The following SCAI variants were observed in gnomAD, a reference collection of about 807,000 sequenced individuals.
The protein encoded by SCAI is suppressor of cancer cell invasion, also known as protein SCAI.
In SCAI, 24 loss-of-function variants were observed where a neutral mutation model predicts 92.2. The observed-to-expected ratio is 0.26, with a 90% CI of 0.19 to 0.37. SCAI has a LOEUF of 0.37. SCAI is among the 10% of genes least tolerant of loss of function. The probability of loss-of-function intolerance (pLI) is 1.00; values close to 1 mark genes in which losing one functional copy is unlikely to be tolerated. For missense variants in SCAI, 450 were observed against 736.2 expected (o/e 0.61, Z 4.50); for synonymous variants, 261 against 258.6 (o/e 1.01, Z -0.09).
In SCAI at chr9:125,070,142, G is replaced by A. The variant is rs756415860; in HGVS notation, c.99-14135C>T. Among the ~76,000 whole-genome samples the A allele has an allele frequency of 1.2e-4, 18 of 152,204 alleles. 1 individual carries two copies. The highest frequency in any genetic ancestry group is 4.1e-4 in the South Asian group (2 of 4,828). On this transcript the variant is annotated intron_variant, in intron 2 of 17. Transcript: ENST00000336505. ...TGCAAAATTGTTGCAAATACACTCCGAAACAGCATAAATTGAAAAATACCA... is the reference window on the plus strand; with the variant it reads ...TGCAAAATTGTTGCAAATACACTCCAAAACAGCATAAATTGAAAAATACCA...
intron 2 of SCAI, among the ~76,000 whole-genome samples, chr9:125,135,976 AAAAAAAAAAC>A (rs1835514302): frequency 6.6e-6 from 1 of 151,718 alleles, no homozygotes; most frequent in South Asian, 2.1e-4. Context: ...TCAAACAAAA[AAAAAAAAAAC>A]AAAAAAAAAA....
In SCAI at chr9:124,951,856, C is replaced by T. The variant is rs527891975; in HGVS notation, c.*951G>A. 6.6e-6 allele frequency: 1 copy of T among 152,288 alleles called. No individual in the cohort carries two copies. Among genetic ancestry groups the T allele is most frequent in the African/African-American group, 2.4e-5 (1 of 41,556 alleles). 9.4% of individuals were successfully genotyped at this position (152,288 alleles called of 1,614,324 possible). Reference sequence around the variant, plus strand: ...GTTAATAAATCTTATTTCCAAATTACCAATGCAAAATCAACTTACATTTTA... The same window carrying T: ...GTTAATAAATCTTATTTCCAAATTATCAATGCAAAATCAACTTACATTTTA... On this transcript the variant is annotated 3_prime_UTR_variant, in exon 18 of 18. Transcript: ENST00000336505.
At position 125,042,666 on chromosome 9, in the gene SCAI, C is replaced by CACAT. The variant is rs1157919578; in HGVS notation, c.231-12928_231-12927insATGT. Among the ~76,000 whole-genome samples, 12 of 140,356 alleles carry CACAT rather than the reference C, an allele frequency of 8.5e-5. No individual in the cohort carries two copies. The East Asian group carries it at 2.4e-3, about 28-fold the overall frequency. 92.1% of individuals were successfully genotyped at this position (140,356 alleles called of 152,430 possible). A position where few individuals can be genotyped will look rare whatever the true frequency, so the allele number is the denominator to read the frequency against. On this transcript the variant is annotated intron_variant, in intron 3 of 17. Transcript: ENST00000336505. ...ACACACACACACACACACACACACA[C>CACAT]ATATACAAAAAGAAACATACATACA...
intron 3 of SCAI, among the ~76,000 whole-genome samples, chr9:125,051,884 C>T (rs888162977): frequency 6.6e-6 from 1 of 152,008 alleles, no homozygotes; most frequent in African/African-American, 2.4e-5. Flanking sequence ...GCCTGGCCAA[C>T]ATGGTGAAAT....
rs561287345 is a variant in SCAI at position 124,995,490 on chromosome 9, A to AT, written c.1245-476dup. On this transcript the variant is annotated intron_variant, in intron 13 of 17. Coordinates refer to ENST00000336505, the MANE Select transcript of SCAI (RefSeq NM_001144877.3). ...GTAGGAAAATCTTTTTACTATCACT[A>AT]TTTTTTTTTTTAAAGACACCGTCTT... Among the ~76,000 whole-genome samples the AT allele has an allele frequency of 3.3e-4, 48 of 147,558 alleles. No homozygotes were observed. The South Asian group carries it at 7.3e-3, about 22-fold the overall frequency.
At chr9:125,048,979 A>C (rs527881253) in intron 3 of SCAI, among the ~76,000 whole-genome samples, 2 of 152,202 alleles carry the variant, frequency 1.3e-5, no homozygotes, top group East Asian at 3.9e-4. Flanking sequence ...TCCTGACCTC[A>C]GGTGATCTGC....
intron 2 of SCAI, among the ~76,000 whole-genome samples, chr9:125,094,596 G>A (rs958026637): frequency 6.6e-6 from 1 of 152,200 alleles, no homozygotes; most frequent in Admixed American, 6.5e-5. Context: ...CGACCTCCTG[G>A]GCTCAAGTGA....
rs186848187 is a variant in SCAI, at chr9:124,995,809, C to T, written c.1245-794G>A. On this transcript the variant is annotated intron_variant, in intron 13 of 17. Coordinates refer to ENST00000336505, the MANE Select transcript of SCAI (RefSeq NM_001144877.3). Reference sequence around the variant, plus strand: ...CCCAGCTACTTTTTACCATATGTTTCCTCTAAACATTTGCATCAAGGGCTT... The same window carrying T: ...CCCAGCTACTTTTTACCATATGTTTTCTCTAAACATTTGCATCAAGGGCTT... 1.6e-3 allele frequency among the ~76,000 whole-genome samples: 247 copies of T among 152,158 alleles called. 1 individual carries two copies. The highest frequency in any genetic ancestry group is 5.8e-3 in the African/African-American group (239 of 41,520).
intron 9 of SCAI, among the ~76,000 whole-genome samples, chr9:125,010,160 T>C (rs536640089): frequency 6.6e-4 from 100 of 152,276 alleles, no homozygotes; most frequent in African/African-American, 2.3e-3. Flanking sequence ...TTCATCTCAC[T>C]AGGGAGCACG....
chr9:124,959,067 T>TA (rs1346686660), intron 17 of SCAI, among the ~76,000 whole-genome samples: 3 of 151,928 alleles, frequency 2.0e-5, no homozygotes, highest in Non-Finnish European at 4.4e-5. Context: ...TGATGAAATT[T>TA]TATTTTTTAA....
intron 2 of SCAI, among the ~76,000 whole-genome samples, chr9:125,116,176 C>T (rs539399734): frequency 1.3e-3 from 193 of 151,974 alleles, no homozygotes; most frequent in Non-Finnish European, 2.4e-3. Context: ...CAGAGAGAGA[C>T]TCCATCTCAA....
chr9:125,037,773 G>A (rs545556648), intron 3 of SCAI, among the ~76,000 whole-genome samples: 2 of 151,916 alleles, frequency 1.3e-5, no homozygotes, highest in Non-Finnish European at 2.9e-5. Context: ...AATATTAGCT[G>A]GGTCTGGTGG....
At position 124,999,899 on chromosome 9, in the gene SCAI, T is replaced by A; in HGVS notation, c.1236A>T (p.Glu412Asp). The change falls in exon 13 of 18, where the codon GAA becomes GAT. Residue 412 changes from glutamate to aspartate, a missense_variant. By Grantham distance (45) the Glu-to-Asp change is conservative. This residue lies in a region of SCAI where 360 missense variants were observed against 601.8 expected (regional missense o/e 0.60). Transcript: ENST00000336505. ...AIHKRNQSHK[E>D]MHCLHPGDLY... is the part of the protein sequence containing the mutation. ...GACACCAGAATACATACCAGTGCAT[T>A]TCCTTGTGGGACTGATTTCGTTTGT... is the stretch of plus-strand genomic sequence containing the variant. 1.3e-6 allele frequency: 2 copies of A among 1,543,396 alleles called. No homozygotes were observed. The highest frequency in any genetic ancestry group is 1.8e-6 in the Non-Finnish European group (2 of 1,122,554).
At chr9:125,030,677 A>T (rs1481126123) in intron 3 of SCAI, among the ~76,000 whole-genome samples, 1 of 152,234 alleles carries the variant, frequency 6.6e-6, no homozygotes, top group Non-Finnish European at 1.5e-5. Flanking sequence ...TGACCTATAT[A>T]ATGCAATGGT....
At chr9:124,964,988 G>A (rs1831509751) in intron 17 of SCAI, among the ~76,000 whole-genome samples, 3 of 143,710 alleles carry the variant, frequency 2.1e-5, no homozygotes, top group African/African-American at 2.5e-5. Flanking sequence ...ACTAATAAAT[G>A]TCTTTTGTGG....
intron 2 of SCAI, among the ~76,000 whole-genome samples, chr9:125,059,457 T>C (rs369888605): frequency 3.9e-4 from 59 of 152,254 alleles, no homozygotes; most frequent in Middle Eastern, 3.4e-3. Flanking sequence ...ATAAGAAAAA[T>C]GTTCAACCAC....
At chr9:125,075,933 A>G (rs189893894) in intron 2 of SCAI, among the ~76,000 whole-genome samples, 1 of 152,122 alleles carries the variant, frequency 6.6e-6, no homozygotes, top group African/African-American at 2.4e-5. Context: ...CCTGACCTCA[A>G]GCAATCCACT....
chr9:125,023,491 T>C (rs894297687), intron 6 of SCAI, among the ~76,000 whole-genome samples: 12 of 152,322 alleles, frequency 7.9e-5, no homozygotes, highest in Non-Finnish European at 1.6e-4. Context: ...GAAATATGAA[T>C]GACTTAATTC....
chr9:125,013,274 G>T (rs1301437018), intron 9 of SCAI, among the ~76,000 whole-genome samples: 1 of 152,064 alleles, frequency 6.6e-6, no homozygotes, highest in Non-Finnish European at 1.5e-5. Flanking sequence ...AAAATTGATA[G>T]ACTGCTAGCA....
Sources: allele counts gnomAD v4.1 joint callset (sites outside exome capture counted in the v4.1 genomes callset), GRCh38; gene constraint gnomAD v4.1.1; regional missense constraint gnomAD v4.1.1; transcripts MANE v1.5; gene names NCBI Gene and HGNC (gene_info 2026-07-23, HGNC 2026-07-21).